Variants in B4GALT1 observed in about 807,000 individuals in gnomAD.
The protein encoded by B4GALT1 is beta-1,4-galactosyltransferase 1.
A neutral mutation model predicts 34.9 loss-of-function variants in B4GALT1; 16 were observed. The ratio of observed to expected loss-of-function variants is 0.46; its 90% confidence interval spans 0.31 to 0.70. The LOEUF (loss-of-function observed/expected upper bound fraction) is 0.70. Among genes scored for constraint, B4GALT1 ranks in the 30% least tolerant of loss-of-function variants. The pLI is 0.05. For synonymous variants in B4GALT1, 221 were observed against 218.1 expected, an observed-to-expected ratio of 1.01 and a Z score of -0.12; for missense variants, 445 against 530.5, an observed-to-expected ratio of 0.84 and a Z score of 1.58.
upstream of B4GALT1, among the ~76,000 whole-genome samples, chr9:33,170,796 C>T (rs1030792598): frequency 2.6e-5 from 4 of 152,254 alleles, no homozygotes; most frequent in African/African-American, 9.6e-5. Context: ...GCTAGTGAGA[C>T]AGACCCAGGC....
intron 2 of B4GALT1, among the ~76,000 whole-genome samples, chr9:33,124,369 C>T (rs919206271): frequency 1.3e-5 from 2 of 152,160 alleles, no homozygotes; most frequent in Admixed American, 1.3e-4. Context: ...ATTTTTAATC[C>T]CAGGAATGCT....
intron 1 of B4GALT1, among the ~76,000 whole-genome samples, chr9:33,146,694 TTTC>T (rs1284750276): frequency 2.3e-5 from 1 of 43,394 alleles, no homozygotes; most frequent in East Asian, 1.1e-3. Flanking sequence ...TTTTCTTTCT[TTTC>T]TTTTTTTTTT....
At chr9:33,121,729 C>G (rs979217967) in intron 2 of B4GALT1, among the ~76,000 whole-genome samples, 4 of 151,992 alleles carry the variant, frequency 2.6e-5, no homozygotes, top group African/African-American at 9.7e-5. Flanking sequence ...TCACCCAGTT[C>G]CTTGAAGACT....
At chr9:33,146,367 G>C (rs948383204) in intron 1 of B4GALT1, among the ~76,000 whole-genome samples, 1 of 152,192 alleles carries the variant, frequency 6.6e-6, no homozygotes, top group Non-Finnish European at 1.5e-5. Flanking sequence ...GAACTAGAGC[G>C]CTTCCAGAAG....
At chr9:33,162,603 C>T (rs1351674153) in intron 1 of B4GALT1, among the ~76,000 whole-genome samples, 2 of 152,218 alleles carry the variant, frequency 1.3e-5, no homozygotes, top group East Asian at 3.8e-4. Flanking sequence ...ACCCCTGAAC[C>T]TGTGCACTAG....
chr9:33,146,814 C>CTACTGAG (rs1161805448), intron 1 of B4GALT1, among the ~76,000 whole-genome samples: 1 of 152,094 alleles, frequency 6.6e-6, no homozygotes, highest in African/African-American at 2.4e-5. Flanking sequence ...TTGCCTCAGC[C>CTACTGAG]TACTGAGTAC....
chr9:33,128,674 C>T (rs1348667236), intron 2 of B4GALT1, among the ~76,000 whole-genome samples: 1 of 152,202 alleles, frequency 6.6e-6, no homozygotes, highest in East Asian at 1.9e-4. Flanking sequence ...TCCCAAGCTC[C>T]GTTCCCACAC....
chr9:33,111,573 C>G lies in B4GALT1; in HGVS notation c.*1881G>C, dbSNP rs1839863368. On this transcript the variant is annotated 3_prime_UTR_variant, in exon 6 of 6. Transcript: ENST00000379731. The stretch of plus-strand genomic sequence containing the variant: ...ATACAAAGGCTTCTGGAAAAAGAAC[C>G]AAGTTAGCATCTGAGATGCGCAAAG... The G allele has an allele frequency of 6.6e-6, 1 of 152,572 alleles. No individual in the cohort carries two copies. Among genetic ancestry groups the G allele is most frequent in the African/African-American group, 2.4e-5 (1 of 41,428 alleles). 9.5% of individuals were successfully genotyped at this position (152,572 alleles called of 1,614,324 possible).
chr9:33,110,336 A>G (rs1839839039), downstream of B4GALT1, among the ~76,000 whole-genome samples: 1 of 152,220 alleles, frequency 6.6e-6, no homozygotes, highest in Non-Finnish European at 1.5e-5. Context: ...AAAATAGCAG[A>G]ATGTGGCCCA....
chr9:33,176,363 A>T, the B4GALT1 span, among the ~76,000 whole-genome samples: 2 of 152,068 alleles, frequency 1.3e-5, no homozygotes. Flanking sequence ...TTTTACTCAA[A>T]CCATACCCCC....
intron 1 of B4GALT1, among the ~76,000 whole-genome samples, chr9:33,158,326 C>CCTCTGCAGACCAAGAAATCCCT: frequency 6.6e-6 from 1 of 152,320 alleles, no homozygotes; most frequent in South Asian, 2.1e-4. Flanking sequence ...TTGCTCCTAC[C>CCTCTGCAGACCAAGAAATCCCT]CTCTGCAGAC....
chr9:33,157,121 T>TACACACACACACACACACACACAC (rs199541947), intron 1 of B4GALT1, among the ~76,000 whole-genome samples: 36 of 113,252 alleles, frequency 3.2e-4, no homozygotes, highest in African/African-American at 1.0e-3. Flanking sequence ...CATAGGGAAC[T>TACACACACACACACACACACACAC]ACACACACAC....
At chr9:33,147,422 A>AT (rs374291813) in intron 1 of B4GALT1, among the ~76,000 whole-genome samples, 1 of 151,206 alleles carries the variant, frequency 6.6e-6, no homozygotes, top group South Asian at 2.1e-4. Flanking sequence ...TGATTTTTGT[A>AT]TTTTCATAGA....
At chr9:33,135,764 G>C (rs2118157805) in intron 1 of B4GALT1, among the ~76,000 whole-genome samples, 1 of 152,314 alleles carries the variant, frequency 6.6e-6, no homozygotes, top group African/African-American at 2.4e-5. Context: ...GTAGAAATCA[G>C]TGATCACGGA....
chr9:33,139,404 T>A (rs930764131), intron 1 of B4GALT1, among the ~76,000 whole-genome samples: 5 of 152,188 alleles, frequency 3.3e-5, no homozygotes, highest in African/African-American at 1.2e-4. Flanking sequence ...ACAACCCCCA[T>A]CATGCTTCCA....
At chr9:33,107,919 G>T (rs1388603893), downstream of B4GALT1, among the ~76,000 whole-genome samples, 2 of 152,082 alleles carry the variant, frequency 1.3e-5, no homozygotes, top group Non-Finnish European at 2.9e-5. Context: ...GCAGTCACTC[G>T]CCCTGAGGTT....
At chr9:33,116,521 CTTTTTTTTTT>C (rs577170197) in intron 3 of B4GALT1, among the ~76,000 whole-genome samples, 2 of 107,308 alleles carry the variant, frequency 1.9e-5, no homozygotes, top group African/African-American at 3.7e-5. Flanking sequence ...CAAACCGGAT[CTTTTTTTTTT>C]TTTTTTTTTG....
chr9:33,113,167 C>A lies in B4GALT1; in HGVS notation c.*287G>T. ...CACCGGGAATGTGTTCCACGGCCAC[C>A]AAATTTTGGGATGTGTACAGTTCTG... On this transcript the variant is annotated 3_prime_UTR_variant, in exon 6 of 6. Transcript: ENST00000379731. 2.2e-6 allele frequency: 1 copy of A among 454,128 alleles called. No individual in the cohort carries two copies. The highest frequency in any genetic ancestry group is 4.0e-6 in the Non-Finnish European group (1 of 248,538). 28.1% of individuals were successfully genotyped at this position (454,128 alleles called of 1,614,324 possible).
intron 1 of B4GALT1, among the ~76,000 whole-genome samples, chr9:33,160,816 T>G (rs909188877): frequency 1.9e-4 from 29 of 152,056 alleles, no homozygotes; most frequent in African/African-American, 7.0e-4. Context: ...TGAAAAAGAC[T>G]AGTAGGAAAT....
Sources: gnomAD v4.1 joint callset for allele counts (sites outside exome capture counted in the v4.1 genomes callset) on GRCh38, gnomAD v4.1.1 for gene constraint, MANE v1.5 for transcripts, NCBI Gene and HGNC (gene_info 2026-07-23, HGNC 2026-07-21) for gene names.